The following PDE7B variants were observed in gnomAD, a reference collection of about 807,000 sequenced individuals.
PDE7B encodes the protein phosphodiesterase 7B.
A neutral mutation model predicts 56.2 loss-of-function variants in PDE7B; 29 were observed. The observed-to-expected ratio is 0.52, with a 90% confidence interval of 0.38 to 0.70. The LOEUF is 0.70. Among genes scored for constraint, PDE7B ranks in the 30% least tolerant of loss-of-function variants. The pLI, the probability that PDE7B is intolerant of heterozygous loss-of-function variation, is 0.00. For synonymous variants in PDE7B, 197 were observed against 196.9 expected, an observed-to-expected ratio of 1.00 and a Z score of 0.00; for missense variants, 490 against 565.0, an observed-to-expected ratio of 0.87 and a Z score of 1.35.
At chr6:136,030,681 A>T (rs1776233408) in intron 2 of PDE7B, among the ~76,000 whole-genome samples, 1 of 152,254 alleles carries the variant, frequency 6.6e-6, no homozygotes, top group East Asian at 1.9e-4. Flanking sequence ...ACTTTACATA[A>T]ATCTTTAATA....
chr6:136,104,398 T>C (rs1562493943), intron 2 of PDE7B, among the ~76,000 whole-genome samples: 1 of 152,090 alleles, frequency 6.6e-6, no homozygotes, highest in Admixed American at 6.5e-5. Context: ...TATAAGGCCT[T>C]AGGTAAATAG....
intron 3 of PDE7B, among the ~76,000 whole-genome samples, chr6:136,137,986 C>A (rs1361080413): frequency 2.0e-5 from 3 of 152,016 alleles, no homozygotes; most frequent in African/African-American, 4.8e-5. Context: ...TTCTGGAACA[C>A]CTTTTTATAA....
chr6:136,157,899 C>T (rs1778636432), intron 8 of PDE7B, among the ~76,000 whole-genome samples: 2 of 152,172 alleles, frequency 1.3e-5, no homozygotes, highest in Admixed American at 6.5e-5. Context: ...GAGTATGGTC[C>T]TGCCATCTAC....
chr6:135,905,536 T>C (rs986904541), intron 1 of PDE7B, among the ~76,000 whole-genome samples: 2 of 152,190 alleles, frequency 1.3e-5, no homozygotes, highest in African/African-American at 4.8e-5. Flanking sequence ...GTTGCCTCTT[T>C]CAGAGAATTC....
intron 1 of PDE7B, among the ~76,000 whole-genome samples, chr6:135,883,955 C>T (rs1351841141): frequency 1.3e-5 from 2 of 152,186 alleles, no homozygotes; most frequent in Non-Finnish European, 2.9e-5. Context: ...TCGGCAAAGT[C>T]ATCTGGGTTT....
chr6:136,090,433 C>T (rs966462907), intron 2 of PDE7B, among the ~76,000 whole-genome samples: 7 of 152,178 alleles, frequency 4.6e-5, no homozygotes, highest in African/African-American at 1.7e-4. Flanking sequence ...TTAAAATAGG[C>T]TTTGCATCAT....
intron 2 of PDE7B, among the ~76,000 whole-genome samples, chr6:136,007,041 C>A (rs929687646): frequency 1.3e-5 from 2 of 152,024 alleles, no homozygotes; most frequent in Admixed American, 6.6e-5. Context: ...TATTGGCTGA[C>A]GGTCTGTCAT....
At chr6:135,981,896 C>G (rs778553470) in intron 2 of PDE7B, among the ~76,000 whole-genome samples, 6 of 151,838 alleles carry the variant, frequency 4.0e-5, no homozygotes, top group Non-Finnish European at 7.4e-5. Flanking sequence ...ACATGCTATA[C>G]TTTCATATGC....
chr6:135,978,553 A>T (rs1775232584), intron 2 of PDE7B, among the ~76,000 whole-genome samples: 1 of 152,116 alleles, frequency 6.6e-6, no homozygotes, highest in South Asian at 2.1e-4. Flanking sequence ...TTACTCTTTT[A>T]TAATTTTTTT....
chr6:135,897,263 GGTGT>G (rs3037814), intron 1 of PDE7B, among the ~76,000 whole-genome samples: 55 of 149,714 alleles, frequency 3.7e-4, no homozygotes, highest in Middle Eastern at 3.4e-3. Flanking sequence ...ATTGTGTCAG[GGTGT>G]GTGTGTGTGT....
intron 12 of PDE7B, among the ~76,000 whole-genome samples, 173 bp from the exon 13 acceptor site, chr6:136,191,441 C>T (rs1335614687): frequency 6.6e-6 from 1 of 152,150 alleles, no homozygotes; most frequent in Non-Finnish European, 1.5e-5. Flanking sequence ...CCGAGGCGGG[C>T]GGATCACTTG....
intron 1 of PDE7B, among the ~76,000 whole-genome samples, chr6:135,860,593 C>T (rs192061987): frequency 1.3e-5 from 2 of 152,068 alleles, no homozygotes; most frequent in African/African-American, 4.8e-5. Flanking sequence ...GTTACTTAAT[C>T]TCTCTAGGCC....
chr6:135,877,243 C>A (rs889589630), intron 1 of PDE7B, among the ~76,000 whole-genome samples: 2 of 151,784 alleles, frequency 1.3e-5, no homozygotes, highest in Non-Finnish European at 2.9e-5. Flanking sequence ...TGATGGATTT[C>A]CTTTCTTTTT....
Position 135,866,213 on chromosome 6 carries a change from T to C in PDE7B, c.21+14194T>C, listed in dbSNP as rs1019031013. On this transcript the variant is annotated intron_variant, in intron 1 of 12. Transcript: ENST00000308191. ...ACCTCAATCTCTATCTAAAATTGTT[T>C]AGAATTTTTTAATATATTCATAAAA... is the stretch of plus-strand genomic sequence containing the variant. Among the ~76,000 whole-genome samples the C allele has an allele frequency of 2.6e-5, 4 of 152,156 alleles. No individual in the cohort carries two copies. In the East Asian group the frequency reaches 5.8e-4, roughly 22 times the overall value.
intron 1 of PDE7B, among the ~76,000 whole-genome samples, chr6:135,920,545 C>T (rs1168899001): frequency 6.6e-6 from 1 of 152,080 alleles, no homozygotes; most frequent in Admixed American, 6.6e-5. Flanking sequence ...TTTGTGTCAC[C>T]CATATGATAG....
At chr6:136,108,252 GC>G (rs1777684339) in intron 2 of PDE7B, among the ~76,000 whole-genome samples, 1 of 152,094 alleles carries the variant, frequency 6.6e-6, no homozygotes, top group African/African-American at 2.4e-5. Context: ...AGCAAGGCTA[GC>G]CTGTGAGCCG....
chr6:136,009,245 G>A (rs573617383), intron 2 of PDE7B, among the ~76,000 whole-genome samples: 2,007 of 151,882 alleles, frequency 0.013, 51 homozygotes, highest in African/African-American at 0.045. Flanking sequence ...TAGCCTTGTA[G>A]TATAGTTTGA....
chr6:135,922,844 A>G (rs1774111698), intron 1 of PDE7B, among the ~76,000 whole-genome samples: 1 of 152,194 alleles, frequency 6.6e-6, no homozygotes, highest in Admixed American at 6.5e-5. Flanking sequence ...ACCTTGCTTT[A>G]TAGACTTGAT....
chr6:135,868,505 C>T (rs1775308462), intron 1 of PDE7B, among the ~76,000 whole-genome samples: 1 of 151,962 alleles, frequency 6.6e-6, no homozygotes, highest in Non-Finnish European at 1.5e-5. Context: ...TATCTTGGCT[C>T]ACTGCAACCT....
Sources: allele counts gnomAD v4.1 joint callset (sites outside exome capture counted in the v4.1 genomes callset), GRCh38; gene constraint gnomAD v4.1.1; transcripts MANE v1.5; gene names NCBI Gene and HGNC (gene_info 2026-07-23, HGNC 2026-07-21).